Variants in LRRC4C observed in about 807,000 individuals in gnomAD.
LRRC4C encodes the protein leucine rich repeat containing 4C, also known as leucine-rich repeat-containing protein 4C.
In LRRC4C, 5 loss-of-function variants were observed where a neutral mutation model predicts 33.6. The observed-to-expected ratio is 0.15, with a 90% CI of 0.08 to 0.31. The LOEUF is 0.31. Among genes scored for constraint, LRRC4C ranks in the 10% least tolerant of loss-of-function variants. The pLI is 1.00. For synonymous variants in LRRC4C, 329 were observed against 302.0 expected (o/e 1.09, Z -0.93); for missense variants, 560 against 796.7 (o/e 0.70, Z 3.58).
intron 1 of LRRC4C, among the ~76,000 whole-genome samples, chr11:41,099,938 C>A (rs1941061288): frequency 6.6e-6 from 1 of 152,040 alleles, no homozygotes; most frequent in Non-Finnish European, 1.5e-5. Context: ...TCTGGAAAAC[C>A]CCATAGTCTG....
intron 1 of LRRC4C, among the ~76,000 whole-genome samples, chr11:41,238,591 T>C (rs1248905423): frequency 6.6e-6 from 1 of 152,154 alleles, no homozygotes; most frequent in Non-Finnish European, 1.5e-5. Context: ...TAGGCACAGA[T>C]CCTCCTTTGC....
chr11:41,421,059 C>T (rs957146264), intron 1 of LRRC4C, among the ~76,000 whole-genome samples: 2 of 152,012 alleles, frequency 1.3e-5, no homozygotes, highest in Non-Finnish European at 1.5e-5. Context: ...AGTTTCTTTA[C>T]CTCTCTGTGC....
intron 1 of LRRC4C, among the ~76,000 whole-genome samples, chr11:40,978,361 C>A (rs114925123): frequency 1.1e-4 from 17 of 152,176 alleles, no homozygotes; most frequent in Non-Finnish European, 1.9e-4. Context: ...TCATTCTTGA[C>A]CCTACTCTCT....
At chr11:40,384,834 G>T (rs2137388553) in intron 3 of LRRC4C, among the ~76,000 whole-genome samples, 1 of 152,058 alleles carries the variant, frequency 6.6e-6, no homozygotes, top group South Asian at 2.1e-4. Context: ...GATTCTTTGG[G>T]TAATTCATTA....
chr11:40,476,348 T>TTTC lies in LRRC4C; in HGVS notation c.-269-156628_-269-156627insGAA, dbSNP rs1953230095. ...AGTGCACATTTTTTTTCTTCTTTTT[T>TTTC]TTTTTTTTTTTTTTTTTGAGACAGT... On this transcript the variant is annotated intron_variant, in intron 3 of 6. Transcript: ENST00000528697. Among the ~76,000 whole-genome samples, 29 of 143,870 alleles carry TTTC rather than the reference T, an allele frequency of 2.0e-4. No homozygotes were observed. The South Asian group carries it at 6.4e-3, about 32-fold the overall frequency. The allele number at this position is 143,870 out of a possible 152,430, so 94.4% of individuals were successfully genotyped here.
At chr11:41,443,633 T>A (rs1275667346) in intron 1 of LRRC4C, among the ~76,000 whole-genome samples, 1 of 152,082 alleles carries the variant, frequency 6.6e-6, no homozygotes, top group Non-Finnish European at 1.5e-5. Context: ...CTCCTTTTTT[T>A]CTTCTGAGTT....
At chr11:40,183,935 G>A (rs1022911679) in intron 5 of LRRC4C, among the ~76,000 whole-genome samples, 2 of 152,100 alleles carry the variant, frequency 1.3e-5, no homozygotes, top group African/African-American at 4.8e-5. Flanking sequence ...AGTGTCAGAG[G>A]GTCCTGAAAA....
At chr11:40,824,461 G>A (rs1769368870) in intron 2 of LRRC4C, among the ~76,000 whole-genome samples, 1 of 148,802 alleles carries the variant, frequency 6.7e-6, no homozygotes, top group African/African-American at 2.4e-5. Context: ...ATGTAAAATA[G>A]GTAGCAGAAA....
At position 40,650,250 on chromosome 11, in the gene LRRC4C, C is replaced by T. The variant is rs147344266; in HGVS notation, c.-406-1972G>A. ...CCCAGTAGACCAAAGCAAAATGGAG[C>T]CACTCATGTTAAGTGTCATGAAGAC... On this transcript the variant is annotated intron_variant, in intron 2 of 6. Coordinates refer to ENST00000528697, the MANE Select transcript of LRRC4C (RefSeq NM_001258419.2). Among the ~76,000 whole-genome samples the T allele has an allele frequency of 1.7e-3, 265 of 152,176 alleles. 1 individual carries two copies. The highest frequency in any genetic ancestry group is 6.2e-3 in the African/African-American group (256 of 41,540).
intron 1 of LRRC4C, among the ~76,000 whole-genome samples, chr11:41,054,730 G>T (rs1182600945): frequency 6.6e-6 from 1 of 152,160 alleles, no homozygotes; most frequent in Non-Finnish European, 1.5e-5. Context: ...CACTGTGCTA[G>T]GCTGTAAGGA....
chr11:40,660,226 C>T (rs1001609389), intron 2 of LRRC4C, among the ~76,000 whole-genome samples: 3 of 152,196 alleles, frequency 2.0e-5, no homozygotes, highest in Non-Finnish European at 4.4e-5. Flanking sequence ...TGGCAGTGTG[C>T]AGTGGCTAGA....
chr11:40,698,286 T>A (rs1945682090), intron 2 of LRRC4C, among the ~76,000 whole-genome samples: 1 of 152,158 alleles, frequency 6.6e-6, no homozygotes, highest in Non-Finnish European at 1.5e-5. Context: ...TTTTGAAAGT[T>A]ACAAAATGTT....
chr11:41,317,355 G>A (rs1257756865), intron 1 of LRRC4C, among the ~76,000 whole-genome samples: 2 of 151,892 alleles, frequency 1.3e-5, no homozygotes, highest in African/African-American at 4.8e-5. Context: ...CAAGTTTTAT[G>A]TGTAATACAT....
intron 4 of LRRC4C, among the ~76,000 whole-genome samples, chr11:40,272,651 A>C (rs1248230621): frequency 3.3e-5 from 5 of 152,034 alleles, no homozygotes; most frequent in Admixed American, 3.3e-4. Context: ...AGTCTGTTCC[A>C]CTCCTAGCAC....
chr11:40,882,708 C>CTT (rs1319923319), intron 2 of LRRC4C, among the ~76,000 whole-genome samples: 2 of 152,092 alleles, frequency 1.3e-5, no homozygotes, highest in Non-Finnish European at 2.9e-5. Flanking sequence ...TATTTTAGGA[C>CTT]TTAACACAGT....
At chr11:40,117,544 T>C (rs1330276191) in intron 6 of LRRC4C, among the ~76,000 whole-genome samples, 1 of 152,196 alleles carries the variant, frequency 6.6e-6, no homozygotes, top group Admixed American at 6.5e-5. Context: ...CCTGCATCTC[T>C]TGTGGCCAAA....
chr11:40,405,309 A>AT (rs754350805), intron 3 of LRRC4C, among the ~76,000 whole-genome samples: 2 of 151,960 alleles, frequency 1.3e-5, no homozygotes, highest in Middle Eastern at 3.2e-3. Context: ...AGCTAGAGAT[A>AT]TTCCCCAAAA....
chr11:41,445,826 A>T (rs1337123105), intron 1 of LRRC4C, among the ~76,000 whole-genome samples: 1 of 145,902 alleles, frequency 6.9e-6, no homozygotes. Flanking sequence ...AGATCCAAGC[A>T]GGAAGAGGGA....
chr11:40,969,187 C>G (rs897461141), intron 1 of LRRC4C, among the ~76,000 whole-genome samples: 1 of 152,090 alleles, frequency 6.6e-6, no homozygotes, highest in Non-Finnish European at 1.5e-5. Flanking sequence ...ATGATGAAAA[C>G]AGCAAGAGAA....
Sources: allele counts gnomAD v4.1 joint callset (sites outside exome capture counted in the v4.1 genomes callset), GRCh38; gene constraint gnomAD v4.1.1; transcripts MANE v1.5; gene names NCBI Gene and HGNC (gene_info 2026-07-23, HGNC 2026-07-21).